PRKCA: variants seen among roughly 807,000 people sequenced by gnomAD.
The protein encoded by PRKCA is protein kinase C alpha type.
Under a neutral mutation model 87.0 loss-of-function variants are expected in PRKCA, and 27 were observed. That is an observed-to-expected ratio of 0.31 (90% CI 0.23 to 0.43). The LOEUF is 0.43. Ranked by LOEUF, PRKCA falls within the 20% of genes least tolerant of loss-of-function variation. PRKCA has a pLI of 1.00. For missense variants in PRKCA, 518 were observed against 852.3 expected (o/e 0.61, Z 4.88); for synonymous variants, 329 against 311.1 (o/e 1.06, Z -0.61).
intron 9 of PRKCA, among the ~76,000 whole-genome samples, chr17:66,733,246 T>C (rs894039095): frequency 6.6e-6 from 1 of 151,842 alleles, no homozygotes; most frequent in Non-Finnish European, 1.5e-5. Context: ...TTATTGGTGG[T>C]ATCAGTTTGC....
chr17:66,411,954 A>C (rs1399488676), intron 2 of PRKCA, among the ~76,000 whole-genome samples: 1 of 152,084 alleles, frequency 6.6e-6, no homozygotes, highest in East Asian at 1.9e-4. Context: ...AGTATGGATA[A>C]AGTGCCTCTG....
intron 16 of PRKCA, among the ~76,000 whole-genome samples, chr17:66,790,825 T>C (rs1165839835): frequency 6.6e-6 from 1 of 151,724 alleles, no homozygotes; most frequent in Non-Finnish European, 1.5e-5. Flanking sequence ...GGCCCTAAGC[T>C]CGGATATAGG....
In PRKCA at chr17:66,626,113, G is replaced by A. The variant is rs138789976; in HGVS notation, c.289-15242G>A. Among the ~76,000 whole-genome samples the A allele has an allele frequency of 3.1e-3, 466 of 152,264 alleles. 2 individuals are homozygous for A. Among genetic ancestry groups the A allele is most frequent in the African/African-American group, 0.01 (436 of 41,554 alleles). ...ACAGGTGAAGCATGGTGGGGCTGGG[G>A]CTACCTTTAAGTTGGTTGCAAGAGC... On this transcript the variant is annotated intron_variant, in intron 3 of 16. Coordinates refer to ENST00000413366, the MANE Select transcript of PRKCA (RefSeq NM_002737.3).
chr17:66,799,985 G>A (rs1277187922), intron 16 of PRKCA, among the ~76,000 whole-genome samples: 3 of 152,034 alleles, frequency 2.0e-5, no homozygotes, highest in African/African-American at 7.2e-5. Context: ...CCTGAGTCTC[G>A]TAGCTGATCT....
intron 3 of PRKCA, among the ~76,000 whole-genome samples, chr17:66,560,656 C>T (rs7211269): frequency 0.12 from 18,611 of 152,152 alleles, 1,280 homozygotes; most frequent in African/African-American, 0.18. Context: ...GTACCAAACA[C>T]TTTGTAAGCC....
intron 2 of PRKCA, among the ~76,000 whole-genome samples, chr17:66,335,167 C>G (rs766649236): frequency 1.3e-5 from 2 of 152,120 alleles, no homozygotes; most frequent in Non-Finnish European, 2.9e-5. Flanking sequence ...CTCACTCTGT[C>G]ACCCAGGCTG....
intron 2 of PRKCA, among the ~76,000 whole-genome samples, chr17:66,342,195 A>G (rs4556826): frequency 0.48 from 72,351 of 151,876 alleles, 20,120 homozygotes; most frequent in African/African-American, 0.77. Flanking sequence ...AGGCCGAGGC[A>G]GGCAGATCAC....
chr17:66,315,909 A>G (rs1052839007), intron 2 of PRKCA, among the ~76,000 whole-genome samples: 4 of 152,240 alleles, frequency 2.6e-5, no homozygotes, highest in Admixed American at 6.5e-5. Context: ...CAGAAGACAT[A>G]TATGAAAACA....
At chr17:66,452,406 A>G (rs1343497670) in intron 2 of PRKCA, among the ~76,000 whole-genome samples, 1 of 152,190 alleles carries the variant, frequency 6.6e-6, no homozygotes, top group Non-Finnish European at 1.5e-5. Context: ...GCTTAACAGG[A>G]AGACAGAACT....
chr17:66,687,352 A>G (rs1274530552), intron 6 of PRKCA, 85 bp downstream of exon 6: 2 of 1,438,098 alleles, frequency 1.4e-6, no homozygotes, highest in Non-Finnish European at 1.9e-6. Flanking sequence ...AAGTAGGTTC[A>G]TTATAAACGT....
At chr17:66,668,370 A>G (rs911099421) in intron 5 of PRKCA, among the ~76,000 whole-genome samples, 1 of 152,252 alleles carries the variant, frequency 6.6e-6, no homozygotes, top group Non-Finnish European at 1.5e-5. Flanking sequence ...GAAGAACTTC[A>G]GGGTCAGGGG....
In PRKCA at chr17:66,330,511, A is replaced by T. The variant is rs962310654; in HGVS notation, c.205+24384A>T. Among the ~76,000 whole-genome samples the T allele has an allele frequency of 4.6e-5, 7 of 152,132 alleles. 1 individual carries two copies. The South Asian group carries it at 1.5e-3, about 32-fold the overall frequency. On this transcript the variant is annotated intron_variant, in intron 2 of 16. Coordinates refer to ENST00000413366, the MANE Select transcript of PRKCA (RefSeq NM_002737.3). ...GATATTTATCTATATCTGTAAAAGGATTTATTATTTTTTAGAATCGTACAG... is the reference window on the plus strand; with the variant it reads ...GATATTTATCTATATCTGTAAAAGGTTTTATTATTTTTTAGAATCGTACAG...
intron 2 of PRKCA, among the ~76,000 whole-genome samples, chr17:66,485,919 A>C (rs1915970413): frequency 6.6e-6 from 1 of 152,218 alleles, no homozygotes; most frequent in African/African-American, 2.4e-5. Context: ...TATTAGAGTC[A>C]TGATAAACCC....
intron 3 of PRKCA, among the ~76,000 whole-genome samples, chr17:66,506,963 C>T (rs1012320707): frequency 6.6e-6 from 1 of 152,142 alleles, no homozygotes; most frequent in Non-Finnish European, 1.5e-5. Context: ...TGCAAATTCT[C>T]GGAAGCCCAG....
At chr17:66,596,193 C>T (rs978130655) in intron 3 of PRKCA, among the ~76,000 whole-genome samples, 3 of 152,164 alleles carry the variant, frequency 2.0e-5, no homozygotes, top group Non-Finnish European at 4.4e-5. Flanking sequence ...GCTTGATAAA[C>T]GTTATTATAC....
At chr17:66,578,331 G>A (rs369647176) in intron 3 of PRKCA, among the ~76,000 whole-genome samples, 1 of 152,272 alleles carries the variant, frequency 6.6e-6, no homozygotes, top group African/African-American at 2.4e-5. Context: ...GTCCACATGG[G>A]TTTGTTTGTC....
At position 66,588,841 on chromosome 17, in the gene PRKCA, A is replaced by G. The variant is rs117748395; in HGVS notation, c.289-52514A>G. 2.2e-3 allele frequency among the ~76,000 whole-genome samples: 332 copies of G among 151,352 alleles called. 1 individual carries two copies. The highest frequency in any genetic ancestry group is 4.8e-3 in the Admixed American group (73 of 15,198). The stretch of plus-strand genomic sequence containing the variant: ...ATTTTTGTAGAGACAGGGTATCACC[A>G]TGTTGCCCAGGCTGATCTCGAACTA... On this transcript the variant is annotated intron_variant, in intron 3 of 16. Transcript: ENST00000413366.
rs529088087 is a variant in PRKCA, at chr17:66,333,702, C to A, written c.205+27575C>A. Among the ~76,000 whole-genome samples, 12 of 152,144 alleles carry A rather than the reference C, an allele frequency of 7.9e-5. No individual in the cohort carries two copies. The East Asian group carries it at 2.3e-3, about 30-fold the overall frequency. On this transcript the variant is annotated intron_variant, in intron 2 of 16. Transcript: ENST00000413366. ...GCCTTTGCAGTTCTGTTGTCAGCCT[C>A]CCCCAGGAACCAGTGCCTGACTCCT...
intron 2 of PRKCA, among the ~76,000 whole-genome samples, chr17:66,401,906 G>A (rs1911059123): frequency 6.6e-6 from 1 of 152,190 alleles, no homozygotes. Flanking sequence ...GTGATGTCCA[G>A]TTCACCTTGG....
Sources: gnomAD v4.1 joint callset for allele counts (sites outside exome capture counted in the v4.1 genomes callset) on GRCh38, gnomAD v4.1.1 for gene constraint, MANE v1.5 for transcripts, NCBI Gene and HGNC (gene_info 2026-07-23, HGNC 2026-07-21) for gene names.